Variants in COLGALT1 observed in about 807,000 individuals in gnomAD.
The protein encoded by COLGALT1 is procollagen galactosyltransferase 1.
In COLGALT1, 43 loss-of-function variants were observed where a neutral mutation model predicts 60.8. The observed-to-expected ratio is 0.71, with a 90% CI of 0.55 to 0.91. The LOEUF (loss-of-function observed/expected upper bound fraction) is 0.91, where lower values mean the gene tolerates loss of function less well. Among genes scored for constraint, COLGALT1 ranks in the 40% least tolerant of loss-of-function variants. COLGALT1 has a pLI of 0.00. For missense variants in COLGALT1, 845 were observed against 880.0 expected (o/e 0.96, Z 0.50); for synonymous variants, 369 against 374.2 (o/e 0.99, Z 0.16).
rs1027081137 is a variant in COLGALT1, at chr19:17,568,434, A to G, written c.625-75A>G. The G allele has an allele frequency of 3.8e-6, 5 of 1,309,488 alleles. No individual in the cohort carries two copies. In the African/African-American group the frequency reaches 4.4e-5, roughly 11 times the overall value. 81.1% of individuals were successfully genotyped at this position (1,309,488 alleles called of 1,614,324 possible). Reference sequence around the variant, plus strand: ...CTGGCTGTCTGTCTGGTCCTGTTTCATGCCGCCCACTATCACGGGTCTCCA... The same window carrying G: ...CTGGCTGTCTGTCTGGTCCTGTTTCGTGCCGCCCACTATCACGGGTCTCCA... On this transcript the variant is annotated intron_variant, in intron 4 of 11. Transcript: ENST00000252599.
rs143978619 is a variant in COLGALT1 at position 17,560,391 on chromosome 19, C to T, written c.415C>T (p.Arg139Cys). Residue 139 changes from arginine (R) to cysteine (C), a missense_variant, in exon 3 of 12, where the codon CGC becomes TGC. By Grantham distance (180) the Arg-to-Cys change is radical (BLOSUM62 -3). Coordinates refer to ENST00000252599, the MANE Select transcript of COLGALT1 (RefSeq NM_024656.4). ...EEGPKHWSDS[R>C]YEHVMKLRQA... ...AGGCCCGAAACACTGGTCTGACTCACGCTACGAGCATGTCATGAAGTTGCG... is the reference window on the plus strand; with the variant it reads ...AGGCCCGAAACACTGGTCTGACTCATGCTACGAGCATGTCATGAAGTTGCG... 1.3e-4 allele frequency: 215 copies of T among 1,614,040 alleles called. 1 individual carries two copies. The highest frequency in any genetic ancestry group is 1.6e-4 in the Non-Finnish European group (187 of 1,180,030).
At chr19:17,572,019 A>G (rs2076315459) in intron 5 of COLGALT1, 1 of 154,518 alleles carries the variant, frequency 6.5e-6, no homozygotes, top group Non-Finnish European at 1.4e-5. Flanking sequence ...TAATTTTAAA[A>G]TTATTTGTAG....
intron 5 of COLGALT1, among the ~76,000 whole-genome samples, chr19:17,570,861 G>A (rs867499508): frequency 9.2e-5 from 14 of 151,692 alleles, no homozygotes; most frequent in Admixed American, 2.0e-4. Context: ...CACCACACCC[G>A]GCCAATTTTT....
chr19:17,557,804 A>G (rs879865242), intron 1 of COLGALT1, among the ~76,000 whole-genome samples: 2 of 151,774 alleles, frequency 1.3e-5, no homozygotes, highest in African/African-American at 4.8e-5. Flanking sequence ...GTTTTGCCCT[A>G]TTGGCCAGGC....
chr19:17,570,387 C>G (rs2076305487), intron 5 of COLGALT1, among the ~76,000 whole-genome samples: 1 of 151,808 alleles, frequency 6.6e-6, no homozygotes, highest in Non-Finnish European at 1.5e-5. Context: ...CTATAGGCAC[C>G]TGCCTACATG....
chr19:17,557,754 A>G (rs2076221752), intron 1 of COLGALT1, among the ~76,000 whole-genome samples: 1 of 152,092 alleles, frequency 6.6e-6, no homozygotes, highest in African/African-American at 2.4e-5. Flanking sequence ...GGCGTATGCC[A>G]CTGCGCCCAG....
chr19:17,570,370 G>A (rs1223594803), intron 5 of COLGALT1, among the ~76,000 whole-genome samples: 1 of 151,882 alleles, frequency 6.6e-6, no homozygotes, highest in African/African-American at 2.4e-5. Context: ...CTCCAGACTG[G>A]CTGGGGCTAT....
intron 1 of COLGALT1, among the ~76,000 whole-genome samples, chr19:17,559,028 GC>G (rs772305967): frequency 1.1e-3 from 168 of 152,282 alleles, no homozygotes; most frequent in Non-Finnish European, 2.0e-3. Context: ...GGGTGTGGTG[GC>G]GGGCGCCTGT....
chr19:17,577,162 C>G lies in COLGALT1; in HGVS notation c.950-33C>G, dbSNP rs562845496. 2.5e-6 allele frequency: 4 copies of G among 1,607,414 alleles called. No individual in the cohort carries two copies. The South Asian group carries it at 4.4e-5, about 18-fold the overall frequency. ...TTGGAGAGAGGCTGGAGGCTCCTTA[C>G]CCCAGCGACTCCTCAACGTCTGTGC... On this transcript the variant is annotated intron_variant, in intron 6 of 11. Coordinates refer to ENST00000252599, the MANE Select transcript of COLGALT1 (RefSeq NM_024656.4).
chr19:17,563,187 C>CTTTT (rs954111271), intron 3 of COLGALT1, among the ~76,000 whole-genome samples: 44 of 117,498 alleles, frequency 3.7e-4, no homozygotes, highest in South Asian at 5.5e-4. Flanking sequence ...TTTCGTGTTT[C>CTTTT]TTTTTTTTTT....
chr19:17,579,712 C>G (rs1034170387), intron 10 of COLGALT1, 103 bp downstream of exon 10: 2 of 1,419,294 alleles, frequency 1.4e-6, no homozygotes, highest in East Asian at 2.4e-5. Flanking sequence ...GGGGATGGGT[C>G]ATGGCTTAGA....
intron 2 of COLGALT1, among the ~76,000 whole-genome samples, chr19:17,559,631 C>A (rs1437498834): frequency 6.6e-6 from 1 of 152,140 alleles, no homozygotes; most frequent in Non-Finnish European, 1.5e-5. Flanking sequence ...TTCCCTGTAC[C>A]TAGAATTCTT....
At chr19:17,579,735 A>T in intron 10 of COLGALT1, 126 bp downstream of exon 10, 2 of 1,251,182 alleles carry the variant, frequency 1.6e-6, no homozygotes, top group Non-Finnish European at 2.2e-6. Context: ...CGGGGCTTGA[A>T]GGTGGGGTGG....
At chr19:17,568,433 C>T (rs1002283205) in intron 4 of COLGALT1, 76 bp from the exon 5 acceptor site, 1 of 1,302,902 alleles carries the variant, frequency 7.7e-7, no homozygotes. Flanking sequence ...GGTCCTGTTT[C>T]ATGCCGCCCA....
At position 17,569,764 on chromosome 19, in the gene COLGALT1, A is replaced by T. The variant is rs144833427; in HGVS notation, c.829+1051A>T. On this transcript the variant is annotated intron_variant, in intron 5 of 11. Coordinates refer to ENST00000252599, the MANE Select transcript of COLGALT1 (RefSeq NM_024656.4). ...TTCTCCTAATTTTCTACAGTTGAGCATATATTAATTGTTTAATTGGGAAAA... is the reference window on the plus strand; with the variant it reads ...TTCTCCTAATTTTCTACAGTTGAGCTTATATTAATTGTTTAATTGGGAAAA... Among the ~76,000 whole-genome samples the T allele has an allele frequency of 1.2e-4, 18 of 152,112 alleles. No individual in the cohort carries two copies. The East Asian group carries it at 3.5e-3, about 29-fold the overall frequency.
chr19:17,577,003 T>TGAGAGCAAGGAC, intron 6 of COLGALT1, 192 bp from the exon 7 acceptor site: 1 of 587,590 alleles, frequency 1.7e-6, no homozygotes. Context: ...TGGCCAGGGC[T>TGAGAGCAAGGAC]TTGGGCTGCT....
intron 6 of COLGALT1, among the ~76,000 whole-genome samples, chr19:17,573,278 A>G (rs1441128034): frequency 2.6e-5 from 4 of 152,062 alleles, no homozygotes. Context: ...CTGTAATCCT[A>G]ACACTTCGGG....
chr19:17,566,877 GC>G (rs2076282267), intron 3 of COLGALT1, among the ~76,000 whole-genome samples: 1 of 152,120 alleles, frequency 6.6e-6, no homozygotes, highest in Admixed American at 6.6e-5. Context: ...ACTTTGAGAG[GC>G]CGAGGTGGAC....
At chr19:17,559,223 T>C (rs1241856066) in intron 1 of COLGALT1, 88 bp from the exon 2 acceptor site, 1 of 871,826 alleles carries the variant, frequency 1.1e-6, no homozygotes, top group Admixed American at 2.0e-5. Context: ...GGGAGGCCAG[T>C]TGGGGATGGT....
Sources: allele counts gnomAD v4.1 joint callset (sites outside exome capture counted in the v4.1 genomes callset), GRCh38; gene constraint gnomAD v4.1.1; transcripts MANE v1.5; gene names NCBI Gene and HGNC (gene_info 2026-07-23, HGNC 2026-07-21).